The following CTNNA2 variants were observed in gnomAD, a reference collection of about 807,000 sequenced individuals.
CTNNA2 encodes catenin alpha 2.
CTNNA2 carries 42 observed loss-of-function variants against 101.0 expected under a neutral mutation model. The observed-to-expected ratio is 0.42, with a 90% CI of 0.32 to 0.54. The LOEUF (loss-of-function observed/expected upper bound fraction) is 0.54, where lower values mean the gene tolerates loss of function less well. Among genes scored for constraint, CTNNA2 ranks in the 20% least tolerant of loss-of-function variants. The pLI, the probability that CTNNA2 is intolerant of heterozygous loss-of-function variation, is 0.14. For missense variants in CTNNA2, 871 were observed against 1,223.1 expected (o/e 0.71, Z 4.29); for synonymous variants, 450 against 456.4 (o/e 0.99, Z 0.18).
intron 7 of CTNNA2, among the ~76,000 whole-genome samples, chr2:79,948,136 C>A (rs900926175): frequency 6.6e-6 from 1 of 152,184 alleles, no homozygotes; most frequent in Non-Finnish European, 1.5e-5. Flanking sequence ...ATAGTTATTT[C>A]CATAGCCATT....
intron 1 of CTNNA2, among the ~76,000 whole-genome samples, chr2:79,550,923 A>G (rs1168325140): frequency 6.6e-6 from 1 of 152,228 alleles, no homozygotes; most frequent in African/African-American, 2.4e-5. Flanking sequence ...TTTACAGGGA[A>G]TATTAACCAC....
At chr2:79,322,065 C>T (rs1028571799) in intron 3 of CTNNA2, among the ~76,000 whole-genome samples, 3 of 152,132 alleles carry the variant, frequency 2.0e-5, no homozygotes, top group Non-Finnish European at 4.4e-5. Context: ...ACTGTGATCA[C>T]AGAAACTAAT....
chr2:79,990,718 G>A (rs1692112304), intron 7 of CTNNA2, among the ~76,000 whole-genome samples: 2 of 152,192 alleles, frequency 1.3e-5, no homozygotes, highest in Non-Finnish European at 2.9e-5. Flanking sequence ...ATGGAGACTA[G>A]GGATATTGGT....
At chr2:80,230,248 T>C (rs1236862811) in intron 7 of CTNNA2, among the ~76,000 whole-genome samples, 2 of 136,384 alleles carry the variant, frequency 1.5e-5, no homozygotes, top group Non-Finnish European at 3.0e-5. Context: ...CTCTCTCTCT[T>C]TTTTTTTCTT....
At chr2:80,352,978 T>G (rs1288928472) in intron 7 of CTNNA2, among the ~76,000 whole-genome samples, 1 of 151,932 alleles carries the variant, frequency 6.6e-6, no homozygotes, top group Non-Finnish European at 1.5e-5. Context: ...GTTCATTACA[T>G]CTATTAGGAC....
chr2:79,504,566 A>C (rs894615250), intron 4 of CTNNA2, among the ~76,000 whole-genome samples: 11 of 152,306 alleles, frequency 7.2e-5, no homozygotes, highest in Non-Finnish European at 1.2e-4. Context: ...CTGCGATTAC[A>C]TCCGTGAGCC....
chr2:79,879,953 G>A (rs1683303291), intron 6 of CTNNA2, among the ~76,000 whole-genome samples: 1 of 152,076 alleles, frequency 6.6e-6, no homozygotes, highest in Non-Finnish European at 1.5e-5. Flanking sequence ...TTGGTTGTGG[G>A]TTTGTCATGA....
intron 1 of CTNNA2, among the ~76,000 whole-genome samples, chr2:79,522,653 C>A (rs2103882320): frequency 6.6e-6 from 1 of 152,174 alleles, no homozygotes. Context: ...ACAGGGCTGG[C>A]CTGCCAGGGA....
intron 7 of CTNNA2, among the ~76,000 whole-genome samples, chr2:80,016,444 G>C (rs1456403524): frequency 6.6e-6 from 1 of 152,156 alleles, no homozygotes; most frequent in African/African-American, 2.4e-5. Flanking sequence ...AGCCCAGTCA[G>C]CCAGTGAGAA....
intron 3 of CTNNA2, among the ~76,000 whole-genome samples, chr2:79,854,476 A>G (rs1680973214): frequency 1.3e-5 from 2 of 152,238 alleles, no homozygotes; most frequent in South Asian, 4.1e-4. Flanking sequence ...AATAAGCACT[A>G]GCTCACATAT....
intron 18 of CTNNA2, among the ~76,000 whole-genome samples, chr2:80,637,277 C>G (rs1371634313): frequency 6.6e-6 from 1 of 152,092 alleles, no homozygotes; most frequent in African/African-American, 2.4e-5. Context: ...TCATTTAATG[C>G]TTTATAATAC....
chr2:79,989,700 C>T (rs966881820), intron 7 of CTNNA2, among the ~76,000 whole-genome samples: 56 of 152,274 alleles, frequency 3.7e-4, no homozygotes, highest in African/African-American at 1.3e-3. Context: ...ATGCATGCAT[C>T]TGACAATCTT....
chr2:79,333,306 G>T (rs1247546893), intron 3 of CTNNA2, among the ~76,000 whole-genome samples: 2 of 152,090 alleles, frequency 1.3e-5, no homozygotes, highest in African/African-American at 4.8e-5. Flanking sequence ...AAGACTGTGG[G>T]TTCAAATTTA....
At chr2:80,200,963 C>T (rs1050812758) in intron 7 of CTNNA2, among the ~76,000 whole-genome samples, 9 of 152,024 alleles carry the variant, frequency 5.9e-5, no homozygotes, top group Non-Finnish European at 8.8e-5. Flanking sequence ...TAAGTATTCA[C>T]GGGGAATTGA....
At chr2:80,055,251 G>A (rs1697144449) in intron 7 of CTNNA2, among the ~76,000 whole-genome samples, 1 of 152,014 alleles carries the variant, frequency 6.6e-6, no homozygotes, top group Admixed American at 6.5e-5. Context: ...CTGGCCTCGA[G>A]CTCCTAGCCC....
rs1467600571 is a variant in CTNNA2 at position 80,034,471 on chromosome 2, A to G, written c.1056+124674A>G. On this transcript the variant is annotated intron_variant, in intron 7 of 18. Coordinates refer to ENST00000402739, the MANE Select transcript of CTNNA2 (RefSeq NM_001282597.3). ...CAGGTTCAAGCGATTCTCCTGCCTC[A>G]GCCTCCCAAGTAGCTGGGACTACAG... 7.3e-5 allele frequency among the ~76,000 whole-genome samples: 11 copies of G among 150,068 alleles called. No homozygotes were observed. In the East Asian group the frequency reaches 2.1e-3, roughly 29 times the overall value.
At chr2:80,061,322 CA>C (rs1364246273) in intron 7 of CTNNA2, among the ~76,000 whole-genome samples, 1 of 151,576 alleles carries the variant, frequency 6.6e-6, no homozygotes, top group East Asian at 1.9e-4. Flanking sequence ...AAGAATGAGA[CA>C]AAAAAGGAAA....
chr2:79,302,048 G>A (rs778768897), intron 2 of CTNNA2, among the ~76,000 whole-genome samples: 2 of 152,030 alleles, frequency 1.3e-5, no homozygotes, highest in Non-Finnish European at 2.9e-5. Flanking sequence ...AGCCGAGGCT[G>A]CACAACTGCA....
chr2:79,292,793 CATTTTGTCTCCTCTA>C (rs1419430105), intron 2 of CTNNA2, among the ~76,000 whole-genome samples: 1 of 152,210 alleles, frequency 6.6e-6, no homozygotes, highest in Non-Finnish European at 1.5e-5. Context: ...TTAGCAAAAA[CATTTTGTCTCCTCTA>C]ATCCTTCTCC....
Sources: gnomAD v4.1 joint callset for allele counts (sites outside exome capture counted in the v4.1 genomes callset) on GRCh38, gnomAD v4.1.1 for gene constraint, MANE v1.5 for transcripts, NCBI Gene and HGNC (gene_info 2026-07-23, HGNC 2026-07-21) for gene names.